Variants in PLXNA1 observed in about 807,000 individuals in gnomAD.
PLXNA1 encodes the protein plexin-A1.
A neutral mutation model predicts 191.7 loss-of-function variants in PLXNA1; 77 were observed. The ratio of observed to expected loss-of-function variants is 0.40; its 90% CI spans 0.33 to 0.49. The LOEUF (loss-of-function observed/expected upper bound fraction) is 0.49, where lower values mean the gene tolerates loss of function less well. Ranked by LOEUF, PLXNA1 falls within the 20% of genes least tolerant of loss-of-function variation. PLXNA1 has a pLI of 0.63. For synonymous variants in PLXNA1, 1,137 were observed against 1,156.4 expected (o/e 0.98, Z 0.34); for missense variants, 2,110 against 2,660.2 (o/e 0.79, Z 4.55).
intron 1 of PLXNA1, among the ~76,000 whole-genome samples, chr3:126,986,750 C>G (rs1324641157): frequency 2.6e-5 from 4 of 152,122 alleles, no homozygotes. Flanking sequence ...GGTGACTGAG[C>G]AGGGCGGGGA....
At position 126,988,640 on chromosome 3, in the gene PLXNA1, TGTTGC is replaced by T; in HGVS notation, c.48_52del (p.Leu17AlafsTer9). ...CTGCAGGTGCTCCTGCTGCTGCTGC[TGTTGC>T]TGCTGCTGCTGCCGGGCATGTGGGC... On this transcript the variant is annotated frameshift_variant, in exon 2 of 32. Coordinates refer to ENST00000393409, the MANE Select transcript of PLXNA1 (RefSeq NM_032242.4). LOFTEE classifies it high-confidence loss of function. The T allele has an allele frequency of 1.3e-6, 2 of 1,576,692 alleles. No individual in the cohort carries two copies. The highest frequency in any genetic ancestry group is 8.6e-7 in the Non-Finnish European group (1 of 1,161,500).
chr3:126,995,754 G>T (rs1298326214), intron 3 of PLXNA1, among the ~76,000 whole-genome samples: 1 of 152,224 alleles, frequency 6.6e-6, no homozygotes, highest in Admixed American at 6.5e-5. Context: ...CTGTGGCCTT[G>T]AGTAGCTTAG....
chr3:126,997,611 G>A lies in PLXNA1; in HGVS notation c.1378-5719G>A, dbSNP rs576282691. Reference sequence around the variant, plus strand: ...AACCTGCCGACATCTGTGCTTCCTGGTGAGCGTGTGCCCGCCCCCTTTCCG... The same window carrying A: ...AACCTGCCGACATCTGTGCTTCCTGATGAGCGTGTGCCCGCCCCCTTTCCG... On this transcript the variant is annotated intron_variant, in intron 3 of 31. Coordinates refer to ENST00000393409, the MANE Select transcript of PLXNA1 (RefSeq NM_032242.4). Among the ~76,000 whole-genome samples the A allele has an allele frequency of 3.3e-5, 5 of 152,344 alleles. No homozygotes were observed. In the South Asian group the frequency reaches 1.0e-3, roughly 32 times the overall value.
chr3:127,007,853 C>T lies in PLXNA1; in HGVS notation c.2052C>T (p.His684=), dbSNP rs776992291. The T allele has an allele frequency of 6.6e-5, 107 of 1,613,046 alleles. No individual in the cohort carries two copies. Among genetic ancestry groups the T allele is most frequent in the African/African-American group, 1.9e-4 (14 of 75,056 alleles). Residue 684 remains histidine, a synonymous_variant, in exon 9 of 32, where the codon CAC becomes CAT. Transcript: ENST00000393409. ...SFPCHWCKYR[H]VCTHNVADCA... is the part of the protein sequence containing the mutation. ...CCTGCCACTGGTGCAAATACCGCCA[C>T]GTGTGCACACACAACGTGGCTGACT...
At chr3:127,015,541 C>G (rs1395989373) in intron 15 of PLXNA1, among the ~76,000 whole-genome samples, 2 of 152,222 alleles carry the variant, frequency 1.3e-5, no homozygotes, top group Non-Finnish European at 2.9e-5. Context: ...GGCGGGGCAA[C>G]TTGGCTGCCT....
Position 127,014,777 on chromosome 3 carries a change from G to A in PLXNA1, c.2823G>A (p.Val941=), listed in dbSNP as rs761470727. 5.0e-6 allele frequency: 8 copies of A among 1,612,826 alleles called. No homozygotes were observed. The Admixed American group carries it at 1.2e-4, about 24-fold the overall frequency. ...RAHDALVEVC[V]RDCSPHYRAL... ...ATGACGCCCTGGTGGAGGTGTGTGT[G>A]CGGGACTGCTCACCACACTACCGCG... The change falls in exon 14 of 32, where the codon GTG becomes GTA. Residue 941 remains valine (V), a synonymous_variant. Transcript: ENST00000393409.
chr3:127,021,146 G>A lies in PLXNA1; in HGVS notation c.4038+802G>A, dbSNP rs146255968. Reference sequence around the variant, plus strand: ...TCTGTTGGTGGGAAGTCCCTTTTGAGCTGATACTGAGCAGACCTTCCCGCC... The same window carrying A: ...TCTGTTGGTGGGAAGTCCCTTTTGAACTGATACTGAGCAGACCTTCCCGCC... On this transcript the variant is annotated intron_variant, in intron 21 of 31. Transcript: ENST00000393409. Among the ~76,000 whole-genome samples the A allele has an allele frequency of 6.4e-4, 97 of 152,262 alleles. 1 individual carries two copies. Among genetic ancestry groups the A allele is most frequent in the African/African-American group, 2.2e-3 (91 of 41,556 alleles).
chr3:127,027,914 G>T, intron 23 of PLXNA1, 26 bp from the exon 24 acceptor site: 1 of 1,612,240 alleles, frequency 6.2e-7, no homozygotes, highest in South Asian at 1.1e-5. Context: ...GGTCCTGGCT[G>T]CAGCCTCATG....
At chr3:127,008,147 G>C (rs2079077902) in intron 9 of PLXNA1, among the ~76,000 whole-genome samples, 1 of 152,176 alleles carries the variant, frequency 6.6e-6, no homozygotes, top group Non-Finnish European at 1.5e-5. Flanking sequence ...GTATTTGTTG[G>C]TGACCCCTGG....
intron 6 of PLXNA1, 22 bp from the exon 7 acceptor site, chr3:127,005,068 A>C: frequency 6.2e-7 from 1 of 1,611,402 alleles, no homozygotes; most frequent in Non-Finnish European, 8.5e-7. Context: ...CCTGCTCACC[A>C]TGCCTCCTGC....
At chr3:127,011,667 T>C (rs1378697329) in intron 9 of PLXNA1, among the ~76,000 whole-genome samples, 3 of 152,194 alleles carry the variant, frequency 2.0e-5, no homozygotes, top group Admixed American at 2.0e-4. Flanking sequence ...CTCTTCTGCC[T>C]CTGGGGCCTT....
At chr3:127,016,399 C>T in intron 15 of PLXNA1, 118 bp from the exon 16 acceptor site, 1 of 855,394 alleles carries the variant, frequency 1.2e-6, no homozygotes, top group Non-Finnish European at 1.9e-6. Flanking sequence ...AGTATGCAGC[C>T]ACCCAAGGCA....
Position 126,988,683 on chromosome 3 carries a change from G to C in PLXNA1, c.90G>C (p.Leu30Phe). 6.3e-7 allele frequency: 1 copy of C among 1,577,172 alleles called. No homozygotes were observed. The change falls in exon 2 of 32, where the codon TTG (leucine) becomes TTC (phenylalanine). Residue 30 changes from leucine (L) to phenylalanine (F), a missense_variant. Physicochemically the swap from Leu to Phe is conservative, Grantham distance 22. Around this residue, in one of 4 missense-constraint regions of PLXNA1, gnomAD observed 903 missense variants for 1,015.7 expected, o/e 0.89. Transcript: ENST00000393409. ...LLPGMWAEAG[L>F]PRAGGGSQPP... The stretch of plus-strand genomic sequence containing the variant: ...CGGGCATGTGGGCTGAGGCAGGCTT[G>C]CCCAGGGCAGGCGGGGGTTCACAGC...
At position 127,018,480 on chromosome 3, in the gene PLXNA1, C is replaced by T; in HGVS notation, c.3847C>T (p.Leu1283Phe). Residue 1283 changes from leucine to phenylalanine, a missense_variant, in exon 20 of 32, where the codon CTC (leucine) becomes TTC (phenylalanine). Around this residue, in one of 4 missense-constraint regions of PLXNA1, gnomAD observed 559 missense variants for 911.5 expected, o/e 0.61. Transcript: ENST00000393409. ...DADRTLKRLQLQMDNLESRVA... is the reference protein window; with the variant it reads ...DADRTLKRLQFQMDNLESRVA... ...TGACCGCACACTCAAGCGGCTGCAG[C>T]TCCAGATGGACAACCTGGAGTCCCG... 6.2e-7 allele frequency: 1 copy of T among 1,612,490 alleles called. No homozygotes were observed. Among genetic ancestry groups the T allele is most frequent in the Non-Finnish European group, 8.5e-7 (1 of 1,179,522 alleles).
chr3:127,025,641 C>G (rs536610163), intron 23 of PLXNA1, among the ~76,000 whole-genome samples: 241 of 152,338 alleles, frequency 1.6e-3, no homozygotes, highest in African/African-American at 4.8e-3. Flanking sequence ...CCATTCTACT[C>G]TCTGTCTCTG....
intron 23 of PLXNA1, 53 bp downstream of exon 23, chr3:127,022,871 GGA>G: frequency 6.9e-7 from 1 of 1,448,678 alleles, no homozygotes; most frequent in Non-Finnish European, 9.7e-7. Context: ...CAGCGGGAGG[GGA>G]AAACGGAGAG....
At chr3:126,997,487 A>C (rs1471040541) in intron 3 of PLXNA1, among the ~76,000 whole-genome samples, 9 of 152,090 alleles carry the variant, frequency 5.9e-5, no homozygotes, top group Admixed American at 5.9e-4. Flanking sequence ...GGGCAGAGCC[A>C]GCTGCCTGTC....
At chr3:127,026,117 T>C (rs1377287166) in intron 23 of PLXNA1, among the ~76,000 whole-genome samples, 1 of 152,210 alleles carries the variant, frequency 6.6e-6, no homozygotes, top group East Asian at 1.9e-4. Flanking sequence ...GTCTGAGGTC[T>C]TCCTTTTCCC....
At position 127,032,598 on chromosome 3, in the gene PLXNA1, A is replaced by C. The variant is rs1347232793; in HGVS notation, c.5443A>C (p.Arg1815=). The C allele has an allele frequency of 6.2e-7, 1 of 1,605,650 alleles. No homozygotes were observed. The highest frequency in any genetic ancestry group is 1.1e-5 in the South Asian group (1 of 90,918). The change falls in exon 30 of 32, where the codon AGG becomes CGG. Residue 1815 remains arginine (R), a splice_region_variant and synonymous_variant. Coordinates refer to ENST00000393409, the MANE Select transcript of PLXNA1 (RefSeq NM_032242.4). ...CCCCAACTACAAGAGCTGGGTGGAG[A>C]GGTAGGTGGAGGGTGCAGGGGTCGG... ...DIPNYKSWVE[R]YYADIAKMPA... is the part of the protein sequence containing the mutation.
Sources: allele counts gnomAD v4.1 joint callset (sites outside exome capture counted in the v4.1 genomes callset), GRCh38; gene constraint gnomAD v4.1.1; regional missense constraint gnomAD v4.1.1; transcripts MANE v1.5; gene names NCBI Gene and HGNC (gene_info 2026-07-23, HGNC 2026-07-21).